The following LIMK2 variants were observed in gnomAD, a reference collection of about 807,000 sequenced individuals.
LIMK2 encodes LIM domain kinase 2.
Under a neutral mutation model 75.7 loss-of-function variants are expected in LIMK2, and 35 were observed. The observed-to-expected ratio is 0.46, with a 90% confidence interval of 0.35 to 0.61. The LOEUF is 0.61. LIMK2 is among the 20% of genes least tolerant of loss of function. The pLI, the probability that LIMK2 is intolerant of heterozygous loss-of-function variation, is 0.00. For synonymous variants in LIMK2, 301 were observed against 319.2 expected (o/e 0.94, Z 0.61); for missense variants, 623 against 831.0 (o/e 0.75, Z 3.08).
chr22:31,258,478 A>G (rs2048806865), intron 3 of LIMK2, 52 bp downstream of exon 3: 3 of 1,588,758 alleles, frequency 1.9e-6, no homozygotes, highest in Non-Finnish European at 2.6e-6. Context: ...GTCCATTGAC[A>G]GTGCTTCCAG....
intron 2 of LIMK2, among the ~76,000 whole-genome samples, chr22:31,236,308 A>C (rs1363508976): frequency 8.0e-5 from 12 of 150,446 alleles, no homozygotes; most frequent in East Asian, 3.9e-4. Flanking sequence ...AAAAAAAAAA[A>C]AAACAAACTG....
At chr22:31,248,119 G>A (rs1316706294) in intron 2 of LIMK2, among the ~76,000 whole-genome samples, 1 of 151,914 alleles carries the variant, frequency 6.6e-6, no homozygotes, top group Admixed American at 6.6e-5. Context: ...GGACATCTGG[G>A]GCCAGATATG....
At chr22:31,263,316 T>C (rs1194494174) in intron 7 of LIMK2, among the ~76,000 whole-genome samples, 1 of 152,110 alleles carries the variant, frequency 6.6e-6, no homozygotes, top group African/African-American at 2.4e-5. Flanking sequence ...GAGCACTGGC[T>C]CCCAGGCAGA....
intron 2 of LIMK2, among the ~76,000 whole-genome samples, chr22:31,256,752 A>G (rs2048786553): frequency 6.6e-6 from 1 of 152,238 alleles, no homozygotes; most frequent in Non-Finnish European, 1.5e-5. Context: ...TGATGTAACT[A>G]GTAAGTGGCA....
chr22:31,241,099 A>G lies in LIMK2; in HGVS notation c.116+15280A>G, dbSNP rs2048620336. ...AAACACTGGGGCTTGTTTAAAATGC[A>G]GATTCTTAGCCCCAGTCTCAGCGAT... On this transcript the variant is annotated intron_variant, in intron 2 of 15. Transcript: ENST00000331728. Among the ~76,000 whole-genome samples, 6 of 152,324 alleles carry G rather than the reference A, an allele frequency of 3.9e-5. No individual in the cohort carries two copies. The South Asian group carries it at 1.2e-3, about 32-fold the overall frequency.
At chr22:31,272,888 C>T (rs1054156843) in intron 13 of LIMK2, 184 bp downstream of exon 13, 2 of 1,388,844 alleles carry the variant, frequency 1.4e-6, no homozygotes, top group East Asian at 2.6e-5. Context: ...GGGCTGGGAA[C>T]TGATCAGTGT....
At chr22:31,260,184 A>C in intron 5 of LIMK2, 107 bp downstream of exon 5, 12 of 906,698 alleles carry the variant, frequency 1.3e-5, no homozygotes, top group South Asian at 2.0e-5. Context: ...CTTTATTCTC[A>C]TCTCATATCT....
In LIMK2 at chr22:31,267,760, C is replaced by A; in HGVS notation, c.1129-16C>A. On this transcript the variant is annotated splice_polypyrimidine_tract_variant and intron_variant, in intron 9 of 15. Coordinates refer to ENST00000331728, the MANE Select transcript of LIMK2 (RefSeq NM_005569.4). ...GAAGTTAACCACCAGCTTTCCTTGG[C>A]TTCCCCCACCCCCAGGTGAAAGTGA... The A allele has an allele frequency of 6.3e-7, 1 of 1,575,316 alleles. No individual in the cohort carries two copies. The highest frequency in any genetic ancestry group is 1.2e-5 in the South Asian group (1 of 84,026).
In LIMK2 at chr22:31,225,728, G is replaced by C; in HGVS notation, c.25G>C (p.Val9Leu). The change falls in exon 2 of 16, where the codon GTC becomes CTC. Residue 9 changes from valine (V) to leucine (L), a missense_variant. Physicochemically the swap from Val to Leu is conservative, Grantham distance 32 (BLOSUM62 1). This residue lies in a region of LIMK2 where 514 missense variants were observed against 661.3 expected (regional missense o/e 0.78). Coordinates refer to ENST00000331728, the MANE Select transcript of LIMK2 (RefSeq NM_005569.4). MSALAGED[V>L]WRCPGCGDHI... ...CTTGGTTTTGTGTGCAGGTGAAGAT[G>C]TCTGGAGGTGTCCAGGCTGTGGGGA... is the stretch of plus-strand genomic sequence containing the variant. 1.2e-6 allele frequency: 2 copies of C among 1,613,852 alleles called. No individual in the cohort carries two copies. The highest frequency in any genetic ancestry group is 1.7e-6 in the Non-Finnish European group (2 of 1,179,838).
intron 14 of LIMK2, among the ~76,000 whole-genome samples, chr22:31,274,361 G>C (rs1376082656): frequency 6.6e-6 from 1 of 152,102 alleles, no homozygotes; most frequent in Non-Finnish European, 1.5e-5. Context: ...GTAGAGGAGA[G>C]GAGAGACAAG....
intron 2 of LIMK2, among the ~76,000 whole-genome samples, chr22:31,248,186 C>T (rs2048688567): frequency 6.6e-6 from 1 of 152,054 alleles, no homozygotes; most frequent in Non-Finnish European, 1.5e-5. Context: ...CTCAATTGGT[C>T]CCAGTTATTG....
chr22:31,275,400 G>C, intron 15 of LIMK2, 92 bp downstream of exon 15: 1 of 1,303,322 alleles, frequency 7.7e-7, no homozygotes, highest in East Asian at 2.4e-5. Context: ...AAGCACAGGG[G>C]TGAGAGAAGC....
intron 2 of LIMK2, among the ~76,000 whole-genome samples, chr22:31,246,181 ACG>A (rs1430607578): frequency 1.3e-4 from 15 of 115,112 alleles, no homozygotes; most frequent in South Asian, 5.7e-4. Context: ...ACACGCACGC[ACG>A]CACACACACA....
At chr22:31,236,824 C>T (rs538110233) in intron 2 of LIMK2, among the ~76,000 whole-genome samples, 58 of 148,192 alleles carry the variant, frequency 3.9e-4, no homozygotes, top group South Asian at 8.6e-4. Context: ...GGCTGAGGCA[C>T]GAGAATCGCT....
intron 7 of LIMK2, among the ~76,000 whole-genome samples, chr22:31,263,520 C>T (rs951321774): frequency 1.3e-5 from 2 of 152,124 alleles, no homozygotes; most frequent in Admixed American, 6.5e-5. Context: ...GTTCAGTAAA[C>T]GTGACACATT....
At chr22:31,252,559 AGT>A (rs2048735390) in intron 2 of LIMK2, among the ~76,000 whole-genome samples, 1 of 133,874 alleles carries the variant, frequency 7.5e-6, no homozygotes, top group Non-Finnish European at 1.6e-5. Flanking sequence ...AAAAAAAAAA[AGT>A]TGATTTCTAT....
Position 31,259,192 on chromosome 22 carries a change from G to T in LIMK2, c.324G>T (p.Gly108=). Residue 108 remains glycine, a synonymous_variant, in exon 4 of 16, where the codon GGG becomes GGT. Coordinates refer to ENST00000331728, the MANE Select transcript of LIMK2 (RefSeq NM_005569.4). ...CMSCKVIIED[G]DAYALVQHAT... ...GCTGCAAGGTGATCATTGAGGATGGGGATGCATATGCACTGGTGCAGCATG... is the reference window on the plus strand; with the variant it reads ...GCTGCAAGGTGATCATTGAGGATGGTGATGCATATGCACTGGTGCAGCATG... 6.2e-7 allele frequency: 1 copy of T among 1,613,208 alleles called. No individual in the cohort carries two copies. The highest frequency in any genetic ancestry group is 8.5e-7 in the Non-Finnish European group (1 of 1,179,256).
intron 15 of LIMK2, chr22:31,277,495 C>G: frequency 9.4e-7 from 1 of 1,061,626 alleles, no homozygotes; most frequent in Non-Finnish European, 1.1e-6. Context: ...TACCTTGTTC[C>G]TTTATAGGCC....
At chr22:31,236,366 G>A (rs1025103990) in intron 2 of LIMK2, among the ~76,000 whole-genome samples, 1 of 151,150 alleles carries the variant, frequency 6.6e-6, no homozygotes, top group African/African-American at 2.4e-5. Flanking sequence ...TCAGCACTTT[G>A]GGAGGCCTAG....
Sources: gnomAD v4.1 joint callset for allele counts (sites outside exome capture counted in the v4.1 genomes callset) on GRCh38, gnomAD v4.1.1 for gene constraint, gnomAD v4.1.1 regional missense constraint, MANE v1.5 for transcripts, NCBI Gene and HGNC (gene_info 2026-07-23, HGNC 2026-07-21) for gene names.